The following FBXO47 variants were observed in gnomAD, a reference collection of about 807,000 sequenced individuals.
The protein encoded by FBXO47 is F-box protein 47, also known as F-box only protein 47.
FBXO47 carries 34 observed loss-of-function variants against 53.9 expected under a neutral mutation model. The ratio of observed to expected loss-of-function variants is 0.63; its 90% CI spans 0.48 to 0.84. FBXO47 has a LOEUF of 0.84. FBXO47 is among the 40% of genes least tolerant of loss of function. The pLI, the probability that FBXO47 is intolerant of heterozygous loss-of-function variation, is 0.00. For missense variants in FBXO47, 485 were observed against 541.3 expected (o/e 0.90, Z 1.03); for synonymous variants, 165 against 181.6 (o/e 0.91, Z 0.73).
rs557033052 is a variant in FBXO47, at chr17:38,943,648, G to A, written c.882C>T (p.Asp294=). ...GLADAIKLLY[D]ASTKEWTADD... ...CTGCTGTCCACTCTTTAGTGCTAGCGTCATATAGTAACTTAATGGCATCAG... is the reference window on the plus strand; with the variant it reads ...CTGCTGTCCACTCTTTAGTGCTAGCATCATATAGTAACTTAATGGCATCAG... Residue 294 remains aspartate (D), a synonymous_variant, in exon 8 of 11, where the codon GAC becomes GAT. Coordinates refer to ENST00000378079, the MANE Select transcript of FBXO47 (RefSeq NM_001008777.3). 2.1e-5 allele frequency: 33 copies of A among 1,609,248 alleles called. No individual in the cohort carries two copies. Among genetic ancestry groups the A allele is most frequent in the South Asian group, 4.4e-5 (4 of 90,324 alleles).
intron 10 of FBXO47, among the ~76,000 whole-genome samples, chr17:38,937,831 C>G (rs1326059365): frequency 6.6e-6 from 1 of 152,082 alleles, no homozygotes; most frequent in Non-Finnish European, 1.5e-5. Flanking sequence ...CCACGCCCAG[C>G]TAATTTTTTT....
At chr17:38,955,937 G>A (rs913483539) in intron 4 of FBXO47, among the ~76,000 whole-genome samples, 7 of 140,776 alleles carry the variant, frequency 5.0e-5, no homozygotes, top group Admixed American at 7.3e-5. Flanking sequence ...CAGCCTAGGC[G>A]GCAGAGCGAG....
In FBXO47 at chr17:38,954,838, T is replaced by C; in HGVS notation, c.507+18A>G. The C allele has an allele frequency of 3.9e-6, 6 of 1,530,348 alleles. No individual in the cohort carries two copies. The highest frequency in any genetic ancestry group is 4.5e-6 in the Non-Finnish European group (5 of 1,111,178). 94.8% of individuals were successfully genotyped at this position (1,530,348 alleles called of 1,614,324 possible). On this transcript the variant is annotated intron_variant, in intron 5 of 10. Transcript: ENST00000378079. ...TTCCAAAGGTATCCCTTTTCTTCTC[T>C]GATTAAAAAAAATGTACCTGTAAAA...
intron 10 of FBXO47, among the ~76,000 whole-genome samples, chr17:38,938,173 G>C (rs1267803242): frequency 6.6e-6 from 1 of 152,102 alleles, no homozygotes; most frequent in East Asian, 1.9e-4. Flanking sequence ...GTAAAATAGG[G>C]TTAATTATCA....
intron 9 of FBXO47, among the ~76,000 whole-genome samples, chr17:38,941,412 C>T (rs577783771): frequency 4.8e-4 from 73 of 150,904 alleles, no homozygotes; most frequent in Non-Finnish European, 9.4e-4. Flanking sequence ...TCAGGTGATC[C>T]GCCTGACTCA....
At chr17:38,967,117 C>T (rs1906169310) in intron 1 of FBXO47, 112 bp downstream of exon 1, 1 of 152,152 alleles carries the variant, frequency 6.6e-6, no homozygotes, top group Admixed American at 6.6e-5. Flanking sequence ...GCCTAAAGGA[C>T]AAACTGGTCA....
intron 4 of FBXO47, 111 bp downstream of exon 4, chr17:38,957,066 A>G (rs189395750): frequency 6.5e-5 from 41 of 629,574 alleles, no homozygotes; most frequent in Admixed American, 4.0e-4. Context: ...TCAATTTTTT[A>G]GTGCTAATTC....
chr17:38,940,340 T>C (rs1028663953), intron 9 of FBXO47, among the ~76,000 whole-genome samples: 5 of 151,936 alleles, frequency 3.3e-5, no homozygotes, highest in Non-Finnish European at 7.4e-5. Context: ...CCACCCCTAG[T>C]GATTTTCTCT....
intron 6 of FBXO47, among the ~76,000 whole-genome samples, chr17:38,946,369 GATATATATATAAATATATAT>G (rs1567716654): frequency 7.4e-5 from 3 of 40,294 alleles, no homozygotes; most frequent in East Asian, 1.9e-3. Context: ...TAAATATATA[GATATATATATAAATATATAT>G]ATCTATATAT....
At chr17:38,945,340 T>C (rs1220689179) in intron 6 of FBXO47, among the ~76,000 whole-genome samples, 1 of 152,176 alleles carries the variant, frequency 6.6e-6, no homozygotes, top group Non-Finnish European at 1.5e-5. Context: ...ACCTTCCTGA[T>C]TTATAGTCAA....
chr17:38,960,587 C>G (rs916493002), intron 3 of FBXO47, among the ~76,000 whole-genome samples: 1 of 151,570 alleles, frequency 6.6e-6, no homozygotes, highest in African/African-American at 2.4e-5. Flanking sequence ...ACCCAGGTAC[C>G]ACTTCCTCTA....
chr17:38,948,474 C>A (rs1905048145), intron 6 of FBXO47, among the ~76,000 whole-genome samples: 1 of 152,136 alleles, frequency 6.6e-6, no homozygotes, highest in African/African-American at 2.4e-5. Flanking sequence ...CTTGGCCTCC[C>A]AAAGTGCTGG....
intron 1 of FBXO47, among the ~76,000 whole-genome samples, chr17:38,965,797 C>T (rs1906082864): frequency 1.3e-5 from 2 of 148,624 alleles, no homozygotes; most frequent in Admixed American, 1.3e-4. Context: ...GCAGGAGAAT[C>T]GCTTGAACCC....
chr17:38,938,226 T>C lies in FBXO47; in HGVS notation c.1243+347A>G, dbSNP rs571892622. Among the ~76,000 whole-genome samples, 188 of 152,344 alleles carry C rather than the reference T, an allele frequency of 1.2e-3. 2 individuals are homozygous for C. Among genetic ancestry groups the C allele is most frequent in the Non-Finnish European group, 2.4e-4 (16 of 68,044 alleles). On this transcript the variant is annotated intron_variant, in intron 10 of 10. Coordinates refer to ENST00000378079, the MANE Select transcript of FBXO47 (RefSeq NM_001008777.3). Reference sequence around the variant, plus strand: ...AGCTGTAAAATAATATTTACAAATATATTTTTATGCTAGTGACAGTTGGTA... The same window carrying C: ...AGCTGTAAAATAATATTTACAAATACATTTTTATGCTAGTGACAGTTGGTA...
chr17:38,941,620 T>TTTTATATATATATATATATA (rs1555560016), intron 9 of FBXO47, among the ~76,000 whole-genome samples: 3 of 115,198 alleles, frequency 2.6e-5, no homozygotes, highest in African/African-American at 9.2e-5. Context: ...AAATATAATA[T>TTTTATATATATATATATATA]TATATATATA....
At chr17:38,946,414 A>C (rs1598140397) in intron 6 of FBXO47, among the ~76,000 whole-genome samples, 4 of 94,664 alleles carry the variant, frequency 4.2e-5, no homozygotes, top group Admixed American at 1.7e-4. Flanking sequence ...ATATAGATAT[A>C]TATATAACTA....
intron 4 of FBXO47, among the ~76,000 whole-genome samples, 183 bp from the exon 5 acceptor site, chr17:38,955,116 G>A (rs1456009680): frequency 6.6e-6 from 1 of 152,112 alleles, no homozygotes; most frequent in Non-Finnish European, 1.5e-5. Flanking sequence ...GGCTGCGCGC[G>A]GTGGCTCATG....
Position 38,943,582 on chromosome 17 carries a change from T to G in FBXO47, c.940+8A>C. On this transcript the variant is annotated splice_region_variant and intron_variant, in intron 8 of 10. Transcript: ENST00000378079. ...CTATTATTCTATGTTAGTAAATATA[T>G]TTTTTACCTGATAGTTCATCTACAA... is the stretch of plus-strand genomic sequence containing the variant. 1 of 1,524,716 alleles carries G rather than the reference T, an allele frequency of 6.6e-7. No homozygotes were observed. The highest frequency in any genetic ancestry group is 8.8e-7 in the Non-Finnish European group (1 of 1,131,690). 94.4% of individuals were successfully genotyped at this position (1,524,716 alleles called of 1,614,324 possible). A position where few individuals can be genotyped will look rare whatever the true frequency, so the allele number is the denominator to read the frequency against.
At chr17:38,963,981 T>A (rs76928949) in intron 1 of FBXO47, among the ~76,000 whole-genome samples, 3 of 151,040 alleles carry the variant, frequency 2.0e-5, no homozygotes, top group African/African-American at 2.4e-5. Flanking sequence ...AAAAAAAAAA[T>A]TGTTTTTGTG....
Sources: allele counts gnomAD v4.1 joint callset (sites outside exome capture counted in the v4.1 genomes callset), GRCh38; gene constraint gnomAD v4.1.1; transcripts MANE v1.5; gene names NCBI Gene and HGNC (gene_info 2026-07-23, HGNC 2026-07-21).